Variants in TOGARAM2 observed in about 807,000 individuals in gnomAD.
TOGARAM2 encodes TOG array regulator of axonemal microtubules protein 2.
Under a neutral mutation model 93.3 loss-of-function variants are expected in TOGARAM2, and 85 were observed. That is an observed-to-expected ratio of 0.91 (90% CI 0.76 to 1.09). TOGARAM2 has a LOEUF of 1.09. TOGARAM2 is among the 50% of genes least tolerant of loss of function. The probability of loss-of-function intolerance (pLI) is 0.00; values close to 1 mark genes in which losing one functional copy is unlikely to be tolerated. For missense variants in TOGARAM2, 1,277 were observed against 1,334.5 expected (o/e 0.96, Z 0.67); for synonymous variants, 593 against 552.8 (o/e 1.07, Z -1.02).
At chr2:29,047,488 C>T (rs1005915871) in intron 19 of TOGARAM2, 1 of 152,228 alleles carries the variant, frequency 6.6e-6, no homozygotes, top group Non-Finnish European at 1.5e-5. Flanking sequence ...TTTTTATTGA[C>T]ACAGGCGAGG....
intron 7 of TOGARAM2, among the ~76,000 whole-genome samples, chr2:29,013,110 A>G (rs985244624): frequency 2.0e-5 from 3 of 152,236 alleles, no homozygotes; most frequent in African/African-American, 7.2e-5. Context: ...AGGTTCACCC[A>G]AGGACAGTGA....
chr2:29,003,468 C>A (rs1181597718), intron 5 of TOGARAM2, 24 bp from the exon 6 acceptor site: 2 of 1,471,788 alleles, frequency 1.4e-6, no homozygotes, highest in Middle Eastern at 3.6e-4. Flanking sequence ...ATAGGCCAGA[C>A]CCCTGTCCCG....
intron 6 of TOGARAM2, among the ~76,000 whole-genome samples, chr2:29,006,695 T>A (rs1663898788): frequency 6.6e-6 from 1 of 152,142 alleles, no homozygotes; most frequent in Admixed American, 6.5e-5. Flanking sequence ...TCTCCGACCC[T>A]GTGGGTTATA....
chr2:29,002,701 CG>C lies in TOGARAM2; in HGVS notation c.597del (p.Ser200AlafsTer8), dbSNP rs1673379949. On this transcript the variant is annotated frameshift_variant, in exon 5 of 20. Coordinates refer to ENST00000379558, the MANE Select transcript of TOGARAM2 (RefSeq NM_199280.4). LOFTEE classifies it high-confidence loss of function. ...SGVKEKGLDL[P>X]GSIPGPHELR... is the part of the protein sequence containing the mutation. The stretch of plus-strand genomic sequence containing the variant: ...GTCAAAGAGAAGGGCCTGGACCTAC[CG>C]GGGAGCATTCCGGGTCCTCACGAGT... 6.2e-7 allele frequency: 1 copy of C among 1,613,848 alleles called. No individual in the cohort carries two copies. Among genetic ancestry groups the C allele is most frequent in the South Asian group, 1.1e-5 (1 of 91,062 alleles).
At chr2:28,966,717 A>G (rs1324296439) in intron 1 of TOGARAM2, among the ~76,000 whole-genome samples, 1 of 152,254 alleles carries the variant, frequency 6.6e-6, no homozygotes, top group Non-Finnish European at 1.5e-5. Context: ...GGCAAAATTA[A>G]TGTTTTAGCA....
chr2:29,041,028 T>G (rs1666403840), intron 18 of TOGARAM2, among the ~76,000 whole-genome samples: 1 of 149,940 alleles, frequency 6.7e-6, no homozygotes, highest in Non-Finnish European at 1.5e-5. Flanking sequence ...TGAGTCACTT[T>G]TTTTTTTTTT....
Position 29,052,210 on chromosome 2 carries a change from A to C in TOGARAM2, c.*117A>C, listed in dbSNP as rs545119111. The C allele has an allele frequency of 3.2e-5, 27 of 845,772 alleles. No homozygotes were observed. In the South Asian group the frequency reaches 7.6e-4, roughly 24 times the overall value. The allele number at this position is 845,772 out of a possible 1,614,324, so 52.4% of individuals were successfully genotyped here. ...ATGGTATATTTTGAAGTAGAAATAAAAGAATTACTTATTTTTCTAAGGTTT... is the reference window on the plus strand; with the variant it reads ...ATGGTATATTTTGAAGTAGAAATAACAGAATTACTTATTTTTCTAAGGTTT... On this transcript the variant is annotated 3_prime_UTR_variant, in exon 20 of 20. Coordinates refer to ENST00000379558, the MANE Select transcript of TOGARAM2 (RefSeq NM_199280.4).
At chr2:28,971,412 G>A (rs560462421) in intron 1 of TOGARAM2, among the ~76,000 whole-genome samples, 133 of 152,004 alleles carry the variant, frequency 8.7e-4, no homozygotes, top group African/African-American at 3.1e-3. Flanking sequence ...GGGTCTCCCC[G>A]TGTTGCCCAG....
intron 1 of TOGARAM2, among the ~76,000 whole-genome samples, chr2:28,967,624 A>G (rs999583564): frequency 3.9e-5 from 6 of 152,076 alleles, no homozygotes; most frequent in African/African-American, 1.4e-4. Context: ...GACTTTTCCT[A>G]TAAAGAAATT....
At chr2:29,017,372 G>A (rs2148335230) in intron 9 of TOGARAM2, 68 bp downstream of exon 9, 8 of 1,377,286 alleles carry the variant, frequency 5.8e-6, no homozygotes, top group Non-Finnish European at 6.7e-6. Flanking sequence ...ATAGCCTGCT[G>A]ATGGGCCCAT....
At chr2:29,049,512 T>C (rs1484315040) in intron 19 of TOGARAM2, 2 of 152,246 alleles carry the variant, frequency 1.3e-5, no homozygotes, top group African/African-American at 4.8e-5. Flanking sequence ...CGTTATTCAG[T>C]GTAGGCGGCT....
chr2:28,993,768 A>C (rs1328688195), intron 1 of TOGARAM2, among the ~76,000 whole-genome samples: 1 of 151,924 alleles, frequency 6.6e-6, no homozygotes, highest in African/African-American at 2.4e-5. Flanking sequence ...GCTAGGAGCT[A>C]CTCTGCCTTC....
At chr2:28,957,200 T>G (rs1192875985) in intron 1 of TOGARAM2, among the ~76,000 whole-genome samples, 1 of 152,122 alleles carries the variant, frequency 6.6e-6, no homozygotes, top group Non-Finnish European at 1.5e-5. Context: ...GATTTCTTTT[T>G]GTTTGTTTGT....
chr2:28,989,487 T>C (rs1558405103), intron 1 of TOGARAM2, among the ~76,000 whole-genome samples: 1 of 152,008 alleles, frequency 6.6e-6, no homozygotes, highest in Non-Finnish European at 1.5e-5. Context: ...AGCCTCAACC[T>C]CCTGCGCTCA....
rs1558421137 is a variant in TOGARAM2 at position 29,004,962 on chromosome 2, G to GTGTA, written c.830+1283_830+1284insATGT. 5.1e-3 allele frequency among the ~76,000 whole-genome samples: 700 copies of GTGTA among 136,060 alleles called. 84 individuals are homozygous for GTGTA. The highest frequency in any genetic ancestry group is 0.019 in the African/African-American group (671 of 34,474). The allele number at this position is 136,060 out of a possible 152,430, so 89.3% of individuals were successfully genotyped here. On this transcript the variant is annotated intron_variant, in intron 6 of 19. Coordinates refer to ENST00000379558, the MANE Select transcript of TOGARAM2 (RefSeq NM_199280.4). ...TGTGTGCATGTGTGTGCATGTGTAT[G>GTGTA]TGTGTGAGTGCATGTGTGTATGTGT...
At chr2:29,023,291 G>A in intron 12 of TOGARAM2, 100 bp downstream of exon 12, 2 of 950,058 alleles carry the variant, frequency 2.1e-6, no homozygotes, top group African/African-American at 1.7e-5. Context: ...CAGGGACATG[G>A]GGATCCCTGC....
At chr2:29,040,220 CT>C (rs1219002446) in intron 18 of TOGARAM2, among the ~76,000 whole-genome samples, 5 of 152,106 alleles carry the variant, frequency 3.3e-5, no homozygotes, top group Non-Finnish European at 5.9e-5. Flanking sequence ...TTTGATTTTG[CT>C]TCTTTCATTT....
Position 29,002,736 on chromosome 2 carries a change from G to C in TOGARAM2, c.628G>C (p.Gly210Arg), listed in dbSNP as rs143410452. ...SIPGPHELRP[G>R]AQEAQISWQY... Reference sequence around the variant, plus strand: ...TCCGGGTCCTCACGAGTTGAGACCCGGTGCTCAGGAGGTAAGGTGGTTCGA... The same window carrying C: ...TCCGGGTCCTCACGAGTTGAGACCCCGTGCTCAGGAGGTAAGGTGGTTCGA... Residue 210 changes from glycine to arginine, a missense_variant, in exon 5 of 20, where the codon GGT (glycine) becomes CGT (arginine). Transcript: ENST00000379558. 8 of 1,613,062 alleles carry C rather than the reference G, an allele frequency of 5.0e-6. No individual in the cohort carries two copies. Among genetic ancestry groups the C allele is most frequent in the Non-Finnish European group, 6.8e-6 (8 of 1,179,558 alleles).
At chr2:29,012,019 C>T (rs1664281161) in intron 7 of TOGARAM2, among the ~76,000 whole-genome samples, 1 of 152,324 alleles carries the variant, frequency 6.6e-6, no homozygotes, top group Middle Eastern at 3.4e-3. Context: ...CAGCTGGCCC[C>T]AGGAGCTTTA....
Sources: gnomAD v4.1 joint callset for allele counts (sites outside exome capture counted in the v4.1 genomes callset) on GRCh38, gnomAD v4.1.1 for gene constraint, MANE v1.5 for transcripts, NCBI Gene and HGNC (gene_info 2026-07-23, HGNC 2026-07-21) for gene names.